Variants in CDH18 observed in about 807,000 individuals in gnomAD.
CDH18 encodes cadherin-18.
A neutral mutation model predicts 67.9 loss-of-function variants in CDH18; 31 were observed. That is an observed-to-expected ratio of 0.46 (90% CI 0.34 to 0.62). The LOEUF is 0.62. CDH18 is among the 20% of genes least tolerant of loss of function. The pLI, the probability that CDH18 is intolerant of heterozygous loss-of-function variation, is 0.01. For synonymous variants in CDH18, 362 were observed against 347.2 expected (o/e 1.04, Z -0.48); for missense variants, 890 against 975.5 (o/e 0.91, Z 1.17).
At chr5:20,500,191 A>G (rs376848830) in intron 1 of CDH18, among the ~76,000 whole-genome samples, 3 of 152,152 alleles carry the variant, frequency 2.0e-5, no homozygotes, top group Admixed American at 6.6e-5. Context: ...TCTTTTCTAC[A>G]GTTCTATAGG....
At chr5:19,921,306 C>A (rs529459113) in intron 2 of CDH18, among the ~76,000 whole-genome samples, 1 of 152,104 alleles carries the variant, frequency 6.6e-6, no homozygotes, top group Admixed American at 6.5e-5. Flanking sequence ...CCAAGGCGGG[C>A]GGATCACGAG....
Position 20,548,536 on chromosome 5 carries a change from T to C in CDH18, c.-580+26926A>G, listed in dbSNP as rs1266318143. Among the ~76,000 whole-genome samples the C allele has an allele frequency of 2.6e-5, 4 of 152,060 alleles. 1 individual carries two copies. In the East Asian group the frequency reaches 7.7e-4, roughly 29 times the overall value. On this transcript the variant is annotated intron_variant, in intron 1 of 14. Coordinates refer to the CDH18 transcript ENST00000507958. ...ACAATCAACTTTCATGACAGTAAGG[T>C]AAATTGGTTTATCTGTTTATTTTAA...
At chr5:20,218,014 G>C (rs1740914068) in intron 2 of CDH18, among the ~76,000 whole-genome samples, 1 of 151,810 alleles carries the variant, frequency 6.6e-6, no homozygotes, top group Non-Finnish European at 1.5e-5. Flanking sequence ...GAAGCACCCA[G>C]ATATGCAAAG....
intron 3 of CDH18, among the ~76,000 whole-genome samples, chr5:19,834,624 G>A (rs373583115): frequency 1.1e-4 from 16 of 151,792 alleles, no homozygotes; most frequent in Non-Finnish European, 8.8e-5. Flanking sequence ...TTAAGGTGTC[G>A]ATTTGAGACC....
chr5:20,266,679 C>T (rs1280557286), intron 1 of CDH18, among the ~76,000 whole-genome samples: 6 of 147,964 alleles, frequency 4.1e-5, no homozygotes, highest in East Asian at 2.0e-4. Context: ...CCACCCAACT[C>T]GGCCTCCTAG....
intron 2 of CDH18, among the ~76,000 whole-genome samples, chr5:20,040,887 C>T (rs1253629181): frequency 6.6e-6 from 1 of 152,134 alleles, no homozygotes; most frequent in African/African-American, 2.4e-5. Context: ...AACATGATTA[C>T]CTTTCTATGA....
chr5:20,178,702 A>G (rs1026795684), intron 2 of CDH18, among the ~76,000 whole-genome samples: 5 of 152,006 alleles, frequency 3.3e-5, no homozygotes, highest in Admixed American at 3.3e-4. Context: ...GACACTAATA[A>G]TACCTTCCCC....
At chr5:20,038,130 C>T (rs1175741670) in intron 2 of CDH18, among the ~76,000 whole-genome samples, 2 of 152,066 alleles carry the variant, frequency 1.3e-5, no homozygotes, top group African/African-American at 2.4e-5. Flanking sequence ...AACAAATAAA[C>T]CCTCCCAAGA....
chr5:19,838,630 A>G, intron 3 of CDH18, 129 bp downstream of exon 3: 1 of 630,746 alleles, frequency 1.6e-6, no homozygotes, highest in Non-Finnish European at 2.8e-6. Flanking sequence ...AGTAGTTTCT[A>G]TAGCGTAATT....
intron 1 of CDH18, among the ~76,000 whole-genome samples, chr5:20,430,398 G>C (rs912572016): frequency 6.6e-6 from 1 of 152,134 alleles, no homozygotes; most frequent in African/African-American, 2.4e-5. Context: ...TGGACAAGCT[G>C]TCATCATGCT....
At chr5:19,983,412 G>A (rs773643868) in intron 1 of CDH18, among the ~76,000 whole-genome samples, 3 of 152,034 alleles carry the variant, frequency 2.0e-5, no homozygotes, top group South Asian at 2.1e-4. Flanking sequence ...CAGTGGAGGC[G>A]TCTGCACATC....
chr5:19,852,154 C>T (rs184250429), intron 2 of CDH18, among the ~76,000 whole-genome samples: 53 of 152,050 alleles, frequency 3.5e-4, no homozygotes, highest in African/African-American at 1.3e-3. Flanking sequence ...GTAGATTAAC[C>T]AGGTAGTAAC....
intron 1 of CDH18, among the ~76,000 whole-genome samples, chr5:20,397,393 A>C (rs1745378138): frequency 6.6e-6 from 1 of 152,042 alleles, no homozygotes; most frequent in Non-Finnish European, 1.5e-5. Flanking sequence ...TTGCCTCCCA[A>C]AGTGCCAGGA....
At chr5:19,713,075 C>A (rs1405018024) in intron 5 of CDH18, among the ~76,000 whole-genome samples, 1 of 141,368 alleles carries the variant, frequency 7.1e-6, no homozygotes, top group Non-Finnish European at 1.5e-5. Context: ...ATATATTTGC[C>A]ACGCTATTGG....
chr5:19,584,362 T>G (rs1300432708), intron 7 of CDH18, among the ~76,000 whole-genome samples: 2 of 152,184 alleles, frequency 1.3e-5, no homozygotes, highest in African/African-American at 4.8e-5. Context: ...GATTTCTATC[T>G]GTGAGGAGAT....
At chr5:20,049,806 C>T (rs186419818) in intron 2 of CDH18, among the ~76,000 whole-genome samples, 62 of 151,704 alleles carry the variant, frequency 4.1e-4, no homozygotes, top group Admixed American at 7.2e-4. Context: ...GACTTCAAAG[C>T]TTACCAAATG....
intron 1 of CDH18, among the ~76,000 whole-genome samples, chr5:20,561,564 A>G (rs539326060): frequency 3.6e-4 from 55 of 152,190 alleles, no homozygotes; most frequent in Admixed American, 1.2e-3. Context: ...GTAGTCAAAA[A>G]AAGATCAGTA....
At chr5:20,076,441 C>A (rs1000854672) in intron 2 of CDH18, among the ~76,000 whole-genome samples, 1 of 151,696 alleles carries the variant, frequency 6.6e-6, no homozygotes, top group Non-Finnish European at 1.5e-5. Flanking sequence ...TCAATGTAAA[C>A]CTTGTAATGA....
At chr5:19,513,760 A>G (rs1745483760) in intron 10 of CDH18, among the ~76,000 whole-genome samples, 1 of 152,082 alleles carries the variant, frequency 6.6e-6, no homozygotes, top group South Asian at 2.1e-4. Context: ...TATTTACATT[A>G]TCATTTCATG....
Sources: allele counts gnomAD v4.1 joint callset (sites outside exome capture counted in the v4.1 genomes callset), GRCh38; gene constraint gnomAD v4.1.1; transcripts MANE v1.5; gene names NCBI Gene and HGNC (gene_info 2026-07-23, HGNC 2026-07-21).